The following CAPN14 variants were observed in gnomAD, a reference collection of about 807,000 sequenced individuals.
The protein encoded by CAPN14 is calpain 14.
A neutral mutation model predicts 101.3 loss-of-function variants in CAPN14; 94 were observed. The observed-to-expected ratio is 0.93, with a 90% CI of 0.79 to 1.10. CAPN14 has a LOEUF of 1.10. Ranked by LOEUF, CAPN14 falls within the 50% of genes least tolerant of loss-of-function variation. The pLI, the probability that CAPN14 is intolerant of heterozygous loss-of-function variation, is 0.00. For synonymous variants in CAPN14, 338 were observed against 317.9 expected (o/e 1.06, Z -0.67); for missense variants, 837 against 828.4 (o/e 1.01, Z -0.13).
At chr2:31,211,666 C>T (rs1302681995) in intron 1 of CAPN14, among the ~76,000 whole-genome samples, 1 of 89,540 alleles carries the variant, frequency 1.1e-5, no homozygotes, top group Admixed American at 1.2e-4. Flanking sequence ...AGCACGTGTG[C>T]ATGTGCACAC....
intron 15 of CAPN14, 40 bp from the exon 16 acceptor site, chr2:31,186,525 C>G (rs1321323361): frequency 2.0e-6 from 3 of 1,480,556 alleles, no homozygotes; most frequent in Non-Finnish European, 2.8e-6. Context: ...ATAACTGTTA[C>G]TGAAGGCTCA....
At chr2:31,189,062 T>A (rs941541905) in intron 13 of CAPN14, among the ~76,000 whole-genome samples, 11 of 152,208 alleles carry the variant, frequency 7.2e-5, no homozygotes, top group African/African-American at 2.7e-4. Flanking sequence ...CTCTCTAATG[T>A]CTAGCATGGT....
intron 9 of CAPN14, among the ~76,000 whole-genome samples, chr2:31,193,917 C>T (rs1681339811): frequency 6.6e-6 from 1 of 151,930 alleles, no homozygotes; most frequent in South Asian, 2.1e-4. Context: ...CAAAGGAGAA[C>T]TGATGGGTCC....
At chr2:31,197,362 G>C (rs914445099) in intron 7 of CAPN14, 28 bp from the exon 8 acceptor site, 4 of 1,469,398 alleles carry the variant, frequency 2.7e-6, no homozygotes, top group Non-Finnish European at 3.7e-6. Flanking sequence ...CAGTTTAGGT[G>C]ACTGGGCTGA....
In CAPN14 at chr2:31,194,454, T is replaced by G. The variant is rs779020981; in HGVS notation, c.905A>C (p.Lys302Thr). The G allele has an allele frequency of 1.0e-5, 16 of 1,551,464 alleles. No homozygotes were observed. The South Asian group carries it at 1.8e-4, about 17-fold the overall frequency. ...TTTCCTCAGAAGCAGAATCTTCTCC[T>G]TGGGGCTCAGCAGCTCCCATTTACT... ...SSSKWELLSPKEKILLLRKDN... is the reference protein window; with the variant it reads ...SSSKWELLSPTEKILLLRKDN... Residue 302 changes from lysine (K) to threonine (T), a missense_variant, in exon 9 of 22, where the codon AAG (lysine) becomes ACG (threonine). By Grantham distance (78) the Lys-to-Thr change is moderately conservative. Coordinates refer to ENST00000403897, the MANE Select transcript of CAPN14 (RefSeq NM_001145122.2).
At chr2:31,190,998 C>G (rs144977249) in intron 12 of CAPN14, among the ~76,000 whole-genome samples, 2 of 152,246 alleles carry the variant, frequency 1.3e-5, no homozygotes, top group African/African-American at 4.8e-5. Flanking sequence ...GCTGCATGGT[C>G]TTTGATGTCC....
chr2:31,224,341 A>T (rs764080944), intron 2 of CAPN14, among the ~76,000 whole-genome samples: 11 of 152,188 alleles, frequency 7.2e-5, no homozygotes, highest in Non-Finnish European at 1.6e-4. Context: ...AGCTGAGAAG[A>T]TACTACACAC....
intron 1 of CAPN14, among the ~76,000 whole-genome samples, chr2:31,212,312 CAAAAAAAAA>C (rs72155600): frequency 9.1e-6 from 1 of 110,440 alleles, no homozygotes; most frequent in South Asian, 2.7e-4. Context: ...CGTCTCAAAA[CAAAAAAAAA>C]AAAAAACAAA....
At chr2:31,203,023 G>T in intron 3 of CAPN14, 47 bp downstream of exon 3, 6 of 1,486,944 alleles carry the variant, frequency 4.0e-6, no homozygotes, top group South Asian at 1.2e-5. Flanking sequence ...GCCAGGCCTG[G>T]TCAGCAGGCA....
Position 31,186,479 on chromosome 2 carries a change from C to G in CAPN14, c.1594G>C (p.Glu532Gln). The G allele has an allele frequency of 6.5e-7, 1 of 1,547,094 alleles. No individual in the cohort carries two copies. Among genetic ancestry groups the G allele is most frequent in the Non-Finnish European group, 8.7e-7 (1 of 1,145,256 alleles). The change falls in exon 16 of 22, where the codon GAG (glutamate) becomes CAG (glutamine). Residue 532 changes from glutamate to glutamine, a missense_variant. Transcript: ENST00000403897. ...FFTKFFEKHPEINAVQLQNLL... is the reference protein window; with the variant it reads ...FFTKFFEKHPQINAVQLQNLL... ...TTCTGAAGTTGAACTGCATTAATCTCTGGATGCTAAATAGAAAGCAGATTG... is the reference window on the plus strand; with the variant it reads ...TTCTGAAGTTGAACTGCATTAATCTGTGGATGCTAAATAGAAAGCAGATTG...
intron 7 of CAPN14, among the ~76,000 whole-genome samples, chr2:31,197,916 T>G (rs1189263868): frequency 1.3e-5 from 2 of 152,234 alleles, no homozygotes; most frequent in African/African-American, 2.4e-5. Context: ...GCTCACACCT[T>G]GATTTCAGAC....
intron 1 of CAPN14, among the ~76,000 whole-genome samples, chr2:31,206,992 T>G (rs1358769247): frequency 2.0e-5 from 3 of 152,140 alleles, no homozygotes; most frequent in Non-Finnish European, 4.4e-5. Flanking sequence ...ATCTTCCTGG[T>G]GCTATACAGG....
At position 31,177,358 on chromosome 2, in the gene CAPN14, C is replaced by A. The variant is rs1680357407; in HGVS notation, c.1856-216G>T. 2.0e-5 allele frequency among the ~76,000 whole-genome samples: 3 copies of A among 152,206 alleles called. No individual in the cohort carries two copies. The South Asian group carries it at 6.2e-4, about 32-fold the overall frequency. ...CACCCCTGTCTGTTAAGGCAACCAG[C>A]ATGAGGCTGTTTTCATCAAGTATGT... On this transcript the variant is annotated intron_variant, in intron 19 of 21. Coordinates refer to ENST00000403897, the MANE Select transcript of CAPN14 (RefSeq NM_001145122.2).
intron 8 of CAPN14, among the ~76,000 whole-genome samples, chr2:31,196,928 A>G (rs964911567): frequency 5.3e-5 from 8 of 152,192 alleles, no homozygotes; most frequent in African/African-American, 1.9e-4. Flanking sequence ...AAGTTTCTCT[A>G]TTAGTAAAAT....
intron 1 of CAPN14, among the ~76,000 whole-genome samples, chr2:31,232,739 C>T (rs1046164708): frequency 2.0e-5 from 3 of 152,180 alleles, no homozygotes; most frequent in Non-Finnish European, 2.9e-5. Flanking sequence ...TCTCCCTAAA[C>T]GCATGGGGAT....
In CAPN14 at chr2:31,205,342, C is replaced by T. The variant is rs1682018108; in HGVS notation, c.106G>A (p.Glu36Lys). ...AAGAGGCAGCCATTCCTCAGGCACT[C>T]TGCCAGCAGGGCCTCAAAGTCCTGT... ...PQQDFEALLA[E>K]CLRNGCLFED... Residue 36 changes from glutamate (E) to lysine (K), a missense_variant, in exon 2 of 22, where the codon GAG (glutamate) becomes AAG (lysine). Coordinates refer to ENST00000403897, the MANE Select transcript of CAPN14 (RefSeq NM_001145122.2). The T allele has an allele frequency of 6.4e-7, 1 of 1,551,350 alleles. No individual in the cohort carries two copies. Among genetic ancestry groups the T allele is most frequent in the South Asian group, 1.2e-5 (1 of 84,032 alleles).
chr2:31,229,774 A>C (rs1182986142), intron 1 of CAPN14, among the ~76,000 whole-genome samples: 1 of 151,408 alleles, frequency 6.6e-6, no homozygotes, highest in African/African-American at 2.4e-5. Context: ...CCCCAATTCC[A>C]TTTCCCTTTT....
chr2:31,206,637 A>T (rs1477104217), intron 1 of CAPN14, among the ~76,000 whole-genome samples: 1 of 152,110 alleles, frequency 6.6e-6, no homozygotes, highest in African/African-American at 2.4e-5. Flanking sequence ...ACACACACAT[A>T]TTGTGCCAAA....
intron 19 of CAPN14, 116 bp downstream of exon 19, chr2:31,177,630 G>A: frequency 1.4e-6 from 1 of 738,802 alleles, no homozygotes; most frequent in Non-Finnish European, 2.3e-6. Context: ...CTACGTCTTT[G>A]AGAGTAACAC....
Sources: allele counts gnomAD v4.1 joint callset (sites outside exome capture counted in the v4.1 genomes callset), GRCh38; gene constraint gnomAD v4.1.1; transcripts MANE v1.5; gene names NCBI Gene and HGNC (gene_info 2026-07-23, HGNC 2026-07-21).